The following CCDC171 variants were observed in gnomAD, a reference collection of about 807,000 sequenced individuals.
The protein encoded by CCDC171 is coiled-coil domain containing 171.
A neutral mutation model predicts 168.2 loss-of-function variants in CCDC171; 177 were observed. The ratio of observed to expected loss-of-function variants is 1.05; its 90% confidence interval spans 0.93 to 1.19. The LOEUF is 1.19. Ranked by LOEUF, CCDC171 falls within the 50% of genes most tolerant of loss-of-function variation. The pLI is 0.00. For synonymous variants in CCDC171, 687 were observed against 540.8 expected (o/e 1.27, Z -3.75); for missense variants, 1,991 against 1,539.0 (o/e 1.29, Z -4.91).
the CCDC171 span, among the ~76,000 whole-genome samples, chr9:16,104,378 C>G: frequency 2.6e-5 from 4 of 152,108 alleles, no homozygotes; most frequent in Non-Finnish European, 4.4e-5. Flanking sequence ...GTGGTCTGTG[C>G]TGCTGCATAC....
intron 6 of CCDC171, among the ~76,000 whole-genome samples, chr9:15,602,960 A>T (rs933833390): frequency 6.6e-6 from 1 of 151,584 alleles, no homozygotes; most frequent in Non-Finnish European, 1.5e-5. Flanking sequence ...GCCTAGCCTT[A>T]TTTAATTTTT....
At chr9:16,046,680 T>A (rs1052295160) in intron 1 of CCDC171, among the ~76,000 whole-genome samples, 5 of 152,124 alleles carry the variant, frequency 3.3e-5, no homozygotes, top group Non-Finnish European at 7.4e-5. Context: ...TCTCATGAGA[T>A]CTGATGGTTT....
chr9:15,993,591 A>G (rs1374776475), intron 3 of CCDC171, among the ~76,000 whole-genome samples: 1 of 152,206 alleles, frequency 6.6e-6, no homozygotes, highest in Admixed American at 6.5e-5. Context: ...AAAATTGACA[A>G]ATGGGATCTA....
intron 7 of CCDC171, among the ~76,000 whole-genome samples, chr9:15,635,865 A>C (rs1225570513): frequency 1.3e-5 from 2 of 152,130 alleles, no homozygotes; most frequent in Admixed American, 6.5e-5. Context: ...AGGAACTGTC[A>C]GTTTGTTTTG....
intron 21 of CCDC171, among the ~76,000 whole-genome samples, chr9:15,837,932 A>G (rs932080349): frequency 2.0e-5 from 3 of 152,224 alleles, no homozygotes; most frequent in African/African-American, 7.2e-5. Context: ...ACACAACTTA[A>G]TAACCGAAAA....
At chr9:15,591,881 T>C (rs1296784396) in intron 5 of CCDC171, among the ~76,000 whole-genome samples, 2 of 152,150 alleles carry the variant, frequency 1.3e-5, no homozygotes, top group Admixed American at 6.6e-5. Flanking sequence ...TTTAGAAATA[T>C]GGGCCCTGGA....
intron 21 of CCDC171, among the ~76,000 whole-genome samples, chr9:15,834,085 A>G (rs1311715206): frequency 6.6e-6 from 1 of 152,186 alleles, no homozygotes; most frequent in Non-Finnish European, 1.5e-5. Context: ...TTTTAAATTA[A>G]TAAATAGTAC....
At chr9:15,565,466 G>A (rs890160726) in intron 2 of CCDC171, among the ~76,000 whole-genome samples, 1 of 152,068 alleles carries the variant, frequency 6.6e-6, no homozygotes, top group South Asian at 2.1e-4. Context: ...CTGTAGGCAC[G>A]CACCATTGCT....
chr9:16,008,384 A>T (rs566936646), intron 3 of CCDC171, among the ~76,000 whole-genome samples: 1 of 152,144 alleles, frequency 6.6e-6, no homozygotes, highest in Admixed American at 6.6e-5. Context: ...TCTTCTTAAG[A>T]TCTCATCTAA....
At chr9:15,709,391 AAAG>A (rs1330708425) in intron 11 of CCDC171, among the ~76,000 whole-genome samples, 1 of 152,180 alleles carries the variant, frequency 6.6e-6, no homozygotes, top group Non-Finnish European at 1.5e-5. Context: ...AATGTAGAAA[AAAG>A]AACACAGATA....
chr9:15,895,756 C>A (rs1820816466), intron 24 of CCDC171, among the ~76,000 whole-genome samples: 1 of 152,210 alleles, frequency 6.6e-6, no homozygotes, highest in South Asian at 2.1e-4. Flanking sequence ...CAAGCAACTT[C>A]CAGTTTATCA....
At chr9:16,064,498 G>A (rs978406753), downstream of CCDC171, among the ~76,000 whole-genome samples, 4 of 152,016 alleles carry the variant, frequency 2.6e-5, no homozygotes, top group Non-Finnish European at 5.9e-5. Context: ...GAGGCGAAAG[G>A]GCCAGCCCTG....
chr9:16,025,576 A>G (rs2133031844), intron 6 of CCDC171, among the ~76,000 whole-genome samples: 1 of 152,350 alleles, frequency 6.6e-6, no homozygotes, highest in East Asian at 1.9e-4. Flanking sequence ...AACAAAATGT[A>G]CTTTAGCCAT....
At position 15,643,538 on chromosome 9, in the gene CCDC171, A is replaced by G. The variant is rs949066108; in HGVS notation, c.823-13589A>G. 3.3e-5 allele frequency among the ~76,000 whole-genome samples: 5 copies of G among 152,284 alleles called. No individual in the cohort carries two copies. In the East Asian group the frequency reaches 5.8e-4, roughly 18 times the overall value. ...GTGGCTGCCACTTCTTGACATTCCA[A>G]TCAGGGATTCTTTATTTTTCAATTG... On this transcript the variant is annotated intron_variant, in intron 7 of 25. Transcript: ENST00000380701.
intron 7 of CCDC171, among the ~76,000 whole-genome samples, chr9:15,650,164 C>G (rs1308221444): frequency 6.6e-6 from 1 of 152,184 alleles, no homozygotes; most frequent in African/African-American, 2.4e-5. Flanking sequence ...AAACCAAACA[C>G]CGCATGTTCT....
intron 25 of CCDC171, among the ~76,000 whole-genome samples, chr9:15,953,320 A>G (rs891885462): frequency 2.9e-4 from 44 of 152,282 alleles, no homozygotes; most frequent in African/African-American, 1.0e-3. Context: ...GGCCTTTCAT[A>G]TATATGACCT....
chr9:16,087,889 A>G, the CCDC171 span, among the ~76,000 whole-genome samples: 18 of 152,014 alleles, frequency 1.2e-4, no homozygotes, highest in African/African-American at 2.7e-4. Flanking sequence ...GGTCCCGGTG[A>G]TGACAAAATC....
intron 3 of CCDC171, among the ~76,000 whole-genome samples, chr9:16,017,838 C>G (rs763673650): frequency 2.0e-5 from 3 of 152,124 alleles, no homozygotes; most frequent in African/African-American, 7.2e-5. Context: ...CTAGGTTGAG[C>G]TTTGAGATAT....
chr9:16,021,447 T>G (rs1017032483), intron 4 of CCDC171, among the ~76,000 whole-genome samples: 2 of 152,208 alleles, frequency 1.3e-5, no homozygotes, highest in African/African-American at 4.8e-5. Flanking sequence ...TCTAAGATTT[T>G]TTACATAAAT....
Sources: allele counts gnomAD v4.1 joint callset (sites outside exome capture counted in the v4.1 genomes callset), GRCh38; gene constraint gnomAD v4.1.1; transcripts MANE v1.5; gene names NCBI Gene and HGNC (gene_info 2026-07-23, HGNC 2026-07-21).